Variants in ORC3 observed in about 807,000 individuals in gnomAD.
ORC3 encodes the protein origin recognition complex subunit 3, also known as homolog of latheo, Drosophila.
A neutral mutation model predicts 100.7 loss-of-function variants in ORC3; 78 were observed. That is an observed-to-expected ratio of 0.77 (90% CI 0.65 to 0.94). The LOEUF (loss-of-function observed/expected upper bound fraction) is 0.94. Ranked by LOEUF, ORC3 falls within the 40% of genes least tolerant of loss-of-function variation. The probability of loss-of-function intolerance (pLI) is 0.00; values close to 1 mark genes in which losing one functional copy is unlikely to be tolerated. For synonymous variants in ORC3, 295 were observed against 289.3 expected (o/e 1.02, Z -0.20); for missense variants, 789 against 823.9 (o/e 0.96, Z 0.52).
chr6:87,675,743 C>T, the ORC3 span: 1 of 1,440,550 alleles, frequency 6.9e-7, no homozygotes, highest in Admixed American at 1.9e-5. Context: ...CTATTTCCTC[C>T]ATACATTCTC....
At chr6:87,602,983 A>ATATATATATATATATAT (rs1778074551) in intron 3 of ORC3, among the ~76,000 whole-genome samples, 1 of 114,434 alleles carries the variant, frequency 8.7e-6, no homozygotes, top group Non-Finnish European at 1.8e-5. Context: ...ATATATATAT[A>ATATATATATATATATAT]CAATTTTTTT....
chr6:87,607,943 T>A, intron 6 of ORC3, 119 bp downstream of exon 6: 1 of 606,026 alleles, frequency 1.7e-6, no homozygotes, highest in Non-Finnish European at 2.7e-6. Context: ...CACTAGGTGT[T>A]AATTTAAAAG....
chr6:87,605,956 T>A lies in ORC3; in HGVS notation c.362T>A (p.Leu121Gln). ...VTDHDLTFGS[L>Q]TEALQNNVTP... ...GATCATGATTTGACATTCGGAAGTC[T>A]AACAGAGGCCCTTCAGAATAATGTC... Residue 121 changes from leucine (L) to glutamine (Q), a missense_variant, in exon 5 of 20, where the codon CTA (leucine) becomes CAA (glutamine). Physicochemically the swap from Leu to Gln is moderately radical, Grantham distance 113. Around this residue, in one of 3 missense-constraint regions of ORC3, gnomAD observed 399 missense variants for 382.0 expected, o/e 1.04. Transcript: ENST00000392844. 1 of 1,609,910 alleles carries A rather than the reference T, an allele frequency of 6.2e-7. No individual in the cohort carries two copies. The highest frequency in any genetic ancestry group is 8.5e-7 in the Non-Finnish European group (1 of 1,176,406).
At chr6:87,637,435 T>C (rs2128279547) in intron 13 of ORC3, among the ~76,000 whole-genome samples, 1 of 152,354 alleles carries the variant, frequency 6.6e-6, no homozygotes, top group East Asian at 1.9e-4. Context: ...CTGTGTTTTA[T>C]TTCATTTTTT....
At chr6:87,641,582 A>G (rs1768261156) in intron 13 of ORC3, among the ~76,000 whole-genome samples, 1 of 152,110 alleles carries the variant, frequency 6.6e-6, no homozygotes, top group Non-Finnish European at 1.5e-5. Flanking sequence ...TGCTTATCCT[A>G]AGTGTAACCT....
chr6:87,676,380 G>A, the ORC3 span, among the ~76,000 whole-genome samples: 2 of 146,756 alleles, frequency 1.4e-5, no homozygotes, highest in African/African-American at 5.1e-5. Context: ...GCAGGAGAAT[G>A]GCGTGAACCC....
intron 2 of ORC3, among the ~76,000 whole-genome samples, 180 bp from the exon 3 acceptor site, chr6:87,601,604 G>C (rs775697259): frequency 1.3e-5 from 2 of 151,936 alleles, no homozygotes; most frequent in Non-Finnish European, 2.9e-5. Context: ...CCTGGGAGGC[G>C]GAGATCGCAC....
At position 87,609,226 on chromosome 6, in the gene ORC3, G is replaced by A; in HGVS notation, c.710G>A (p.Ser237Asn). ...TKVLQDFIII[S>N]SQHLHEFPLI... ...GTACTACAAGACTTCATAATTATCA[G>A]CAGGTAGATGGTGTATTACCTGGCT... Residue 237 changes from serine (S) to asparagine (N), a missense_variant, in exon 7 of 20, where the codon AGC becomes AAC. Physicochemically the swap from Ser to Asn is conservative, Grantham distance 46. Around this residue, in one of 3 missense-constraint regions of ORC3, gnomAD observed 399 missense variants for 382.0 expected, o/e 1.04. Coordinates refer to ENST00000392844, the MANE Select transcript of ORC3 (RefSeq NM_012381.4). 6.3e-7 allele frequency: 1 copy of A among 1,589,542 alleles called. No individual in the cohort carries two copies.
intron 14 of ORC3, among the ~76,000 whole-genome samples, chr6:87,656,365 A>G (rs1392986348): frequency 3.9e-5 from 6 of 152,066 alleles, no homozygotes; most frequent in African/African-American, 1.5e-4. Flanking sequence ...AAGCGGGTGG[A>G]TCACCTGAGG....
chr6:87,642,672 G>C (rs575719970), intron 13 of ORC3, among the ~76,000 whole-genome samples: 1 of 151,278 alleles, frequency 6.6e-6, no homozygotes, highest in African/African-American at 2.4e-5. Context: ...GGAGGCCGAG[G>C]CGGATGGATC....
chr6:87,671,938 G>A (rs1426756096), downstream of ORC3, among the ~76,000 whole-genome samples: 3 of 152,064 alleles, frequency 2.0e-5, no homozygotes, highest in South Asian at 2.1e-4. Context: ...CGAAACTTGC[G>A]AAAACTTTAG....
downstream of ORC3, among the ~76,000 whole-genome samples, chr6:87,669,679 A>C (rs1218425874): frequency 6.6e-6 from 1 of 152,102 alleles, no homozygotes; most frequent in East Asian, 1.9e-4. Context: ...TTAGCTCAAT[A>C]TTTTTTCGCA....
the ORC3 span, chr6:87,675,444 A>T: frequency 9.6e-7 from 1 of 1,041,730 alleles, no homozygotes; most frequent in Non-Finnish European, 1.4e-6. Flanking sequence ...TTCCAAAACC[A>T]GTTGCTGCTG....
At chr6:87,674,690 A>G in the ORC3 span, among the ~76,000 whole-genome samples, 1 of 144,416 alleles carries the variant, frequency 6.9e-6, no homozygotes, top group East Asian at 1.9e-4. Context: ...TAGCCAGGAT[A>G]GTCTCGATCT....
intron 9 of ORC3, among the ~76,000 whole-genome samples, chr6:87,616,708 ACT>A (rs1358886534): frequency 1.3e-5 from 2 of 151,686 alleles, no homozygotes; most frequent in Non-Finnish European, 2.9e-5. Flanking sequence ...TGTTTCCGAG[ACT>A]CTCATGAGAG....
intron 2 of ORC3, among the ~76,000 whole-genome samples, chr6:87,596,335 A>G (rs1277198095): frequency 3.3e-5 from 5 of 150,120 alleles, no homozygotes; most frequent in Admixed American, 1.3e-4. Flanking sequence ...GGGTTTCACT[A>G]TGTTGGCCAG....
In ORC3 at chr6:87,593,249, G is replaced by A. The variant is rs944120789; in HGVS notation, c.25-1104G>A. Reference sequence around the variant, plus strand: ...ACATAGCTGGGAAATTACCAGGACAGTTATTTGGCAAGCATTTATTCATTC... The same window carrying A: ...ACATAGCTGGGAAATTACCAGGACAATTATTTGGCAAGCATTTATTCATTC... On this transcript the variant is annotated intron_variant, in intron 1 of 19. Transcript: ENST00000392844. 2.6e-5 allele frequency among the ~76,000 whole-genome samples: 4 copies of A among 152,214 alleles called. No individual in the cohort carries two copies. In the South Asian group the frequency reaches 8.3e-4, roughly 31 times the overall value.
At chr6:87,593,941 C>T (rs1311075226) in intron 1 of ORC3, among the ~76,000 whole-genome samples, 1 of 152,226 alleles carries the variant, frequency 6.6e-6, no homozygotes, top group Non-Finnish European at 1.5e-5. Context: ...GTGATCCACC[C>T]GCCTTGGCCT....
chr6:87,628,650 G>A (rs1341065980), intron 11 of ORC3, among the ~76,000 whole-genome samples: 7 of 152,196 alleles, frequency 4.6e-5, no homozygotes, highest in Admixed American at 6.5e-5. Context: ...GAGAAAGGAA[G>A]TGAAATATCT....
Sources: allele counts gnomAD v4.1 joint callset (sites outside exome capture counted in the v4.1 genomes callset), GRCh38; gene constraint gnomAD v4.1.1; regional missense constraint gnomAD v4.1.1; transcripts MANE v1.5; gene names NCBI Gene and HGNC (gene_info 2026-07-23, HGNC 2026-07-21).